The following FRY variants were observed in gnomAD, a reference collection of about 807,000 sequenced individuals.
FRY encodes the protein FRY microtubule binding protein, also known as protein furry homolog.
Under a neutral mutation model 348.4 loss-of-function variants are expected in FRY, and 128 were observed. The ratio of observed to expected loss-of-function variants is 0.37; its 90% CI spans 0.32 to 0.43. The LOEUF is 0.43. FRY is among the 20% of genes least tolerant of loss of function. The probability of loss-of-function intolerance (pLI) is 1.00; values close to 1 mark genes in which losing one functional copy is unlikely to be tolerated. For synonymous variants in FRY, 1,370 were observed against 1,374.7 expected (o/e 1.00, Z 0.08); for missense variants, 2,736 against 3,695.2 (o/e 0.74, Z 6.73).
At chr13:32,252,006 G>T in intron 50 of FRY, 54 bp downstream of exon 50, 1 of 1,215,474 alleles carries the variant, frequency 8.2e-7, no homozygotes, top group East Asian at 2.3e-5. Flanking sequence ...CTTTTTCATT[G>T]GTCTGTTTTT....
intron 35 of FRY, among the ~76,000 whole-genome samples, chr13:32,217,005 A>G (rs1240964140): frequency 2.0e-5 from 3 of 152,212 alleles, no homozygotes; most frequent in East Asian, 3.8e-4. Context: ...GCAGTGCCCT[A>G]AGGTTGTACA....
intron 28 of FRY, among the ~76,000 whole-genome samples, chr13:32,191,870 T>C (rs1883355884): frequency 6.6e-6 from 1 of 152,134 alleles, no homozygotes; most frequent in Non-Finnish European, 1.5e-5. Flanking sequence ...GGGGTTAAGA[T>C]TTAAATATGA....
At position 32,184,866 on chromosome 13, in the gene FRY, G is replaced by A. The variant is rs1463355116; in HGVS notation, c.3147-110G>A. 30 of 1,115,828 alleles carry A rather than the reference G, an allele frequency of 2.7e-5. No individual in the cohort carries two copies. The East Asian group carries it at 7.0e-4, about 26-fold the overall frequency. 69.1% of individuals were successfully genotyped at this position (1,115,828 alleles called of 1,614,324 possible). A position where few individuals can be genotyped will look rare whatever the true frequency, so the allele number is the denominator to read the frequency against. ...TTTTCTTTACACTGCATATAGGTTA[G>A]GAACAACTTTAGTGTGTGAGTTGTG... On this transcript the variant is annotated intron_variant, in intron 25 of 60. Transcript: ENST00000542859.
At chr13:32,124,107 G>A (rs544516046) in intron 4 of FRY, among the ~76,000 whole-genome samples, 179 bp from the exon 5 acceptor site, 1 of 152,218 alleles carries the variant, frequency 6.6e-6, no homozygotes, top group Non-Finnish European at 1.5e-5. Flanking sequence ...CAAAGTGCTG[G>A]GATTACAGGC....
At position 32,249,711 on chromosome 13, in the gene FRY, C is replaced by A. The variant is rs758184606; in HGVS notation, c.7170+24C>A. 6.8e-6 allele frequency: 11 copies of A among 1,608,188 alleles called. No homozygotes were observed. In the Admixed American group the frequency reaches 1.5e-4, roughly 22 times the overall value. On this transcript the variant is annotated intron_variant, in intron 49 of 60. Coordinates refer to ENST00000542859, the MANE Select transcript of FRY (RefSeq NM_023037.3). ...AGGTATGCAATCCTAGACCCACAGT[C>A]CTGGGAGGGAGTTTAGGGACCTGTT... is the stretch of plus-strand genomic sequence containing the variant.
intron 28 of FRY, among the ~76,000 whole-genome samples, chr13:32,190,187 T>C (rs1883258136): frequency 6.6e-6 from 1 of 151,574 alleles, no homozygotes; most frequent in South Asian, 2.1e-4. Flanking sequence ...AAACACCCTA[T>C]GAGCACCATA....
intron 1 of FRY, among the ~76,000 whole-genome samples, chr13:32,069,317 A>G (rs1874471451): frequency 6.6e-6 from 1 of 152,092 alleles, no homozygotes; most frequent in Non-Finnish European, 1.5e-5. Context: ...AGAGGGAGAG[A>G]CCTTCATGGC....
At chr13:32,067,897 C>G (rs1310521771) in intron 1 of FRY, among the ~76,000 whole-genome samples, 2 of 152,122 alleles carry the variant, frequency 1.3e-5, no homozygotes, top group Non-Finnish European at 2.9e-5. Flanking sequence ...AGATTAGAAA[C>G]AATTTTATTA....
chr13:32,258,290 T>A (rs971853675), intron 51 of FRY, among the ~76,000 whole-genome samples: 1 of 152,220 alleles, frequency 6.6e-6, no homozygotes, highest in African/African-American at 2.4e-5. Flanking sequence ...GTTGCACAAC[T>A]GGATGGGTTT....
chr13:32,218,968 G>T (rs957008665), intron 36 of FRY, 137 bp downstream of exon 36: 3 of 661,768 alleles, frequency 4.5e-6, no homozygotes, highest in Admixed American at 4.6e-5. Context: ...CACCTATGCA[G>T]ATGAGCATAG....
chr13:32,037,059 A>ACAC (rs1872550173), intron 1 of FRY, among the ~76,000 whole-genome samples: 348 of 33,496 alleles, frequency 0.01, 3 homozygotes, highest in African/African-American at 0.026. Context: ...CACACACACA[A>ACAC]ACACACACAC....
At chr13:32,213,071 A>G (rs1453687797) in intron 35 of FRY, among the ~76,000 whole-genome samples, 1 of 152,176 alleles carries the variant, frequency 6.6e-6, no homozygotes, top group East Asian at 1.9e-4. Context: ...TCAGCTGAGC[A>G]TTTTATAGTG....
rs768019080 is a variant in FRY, at chr13:32,124,326, C to A, written c.505C>A (p.Leu169Ile). The A allele has an allele frequency of 6.2e-7, 1 of 1,601,990 alleles. No individual in the cohort carries two copies. Among genetic ancestry groups the A allele is most frequent in the Non-Finnish European group, 8.6e-7 (1 of 1,169,388 alleles). The change falls in exon 5 of 61, where the codon CTC becomes ATC. Residue 169 changes from leucine (L) to isoleucine (I), a missense_variant. This residue lies in a region of FRY where 309 missense variants were observed against 418.1 expected (regional missense o/e 0.74). Coordinates refer to ENST00000542859, the MANE Select transcript of FRY (RefSeq NM_023037.3). ...AGATTATTTAATGGAAAGACGGGAC[C>A]TCGCCATTGATTTTATTTTTTCTTT... ...QRDYLMERRD[L>I]AIDFIFSLVL...
At chr13:32,232,337 A>T (rs564905708) in intron 41 of FRY, among the ~76,000 whole-genome samples, 1 of 152,308 alleles carries the variant, frequency 6.6e-6, no homozygotes, top group South Asian at 2.1e-4. Context: ...CACCTTGACC[A>T]ATTTTTACTG....
At chr13:32,063,932 T>C (rs1413949607) in intron 1 of FRY, among the ~76,000 whole-genome samples, 1 of 152,240 alleles carries the variant, frequency 6.6e-6, no homozygotes. Flanking sequence ...CATGACCTTG[T>C]ACATATTAAC....
At chr13:32,075,321 G>A (rs1416604281) in intron 1 of FRY, among the ~76,000 whole-genome samples, 1 of 152,110 alleles carries the variant, frequency 6.6e-6, no homozygotes, top group African/African-American at 2.4e-5. Flanking sequence ...AGCAGTCAAA[G>A]CCCTCAAGCC....
Position 32,276,472 on chromosome 13 carries a change from A to G in FRY, c.8295A>G (p.Ser2765=), listed in dbSNP as rs759814071. The G allele has an allele frequency of 5.1e-6, 8 of 1,570,874 alleles. No individual in the cohort carries two copies. Among genetic ancestry groups the G allele is most frequent in the East Asian group, 2.2e-5 (1 of 44,674 alleles). ...TLFVDAETLL[S]CGLLDKLKFS... The stretch of plus-strand genomic sequence containing the variant: ...TATTTTCCTGTCTTTAGCTCCTTTC[A>G]TGTGGACTTCTGGACAAGCTCAAGT... Residue 2765 remains serine (S), a synonymous_variant, in exon 57 of 61, where the codon TCA becomes TCG. Transcript: ENST00000542859.
chr13:32,290,600 T>A (rs1889290471), intron 59 of FRY, among the ~76,000 whole-genome samples: 1 of 152,112 alleles, frequency 6.6e-6, no homozygotes. Context: ...GGCGAGATCA[T>A]AAGACATGCC....
In FRY at chr13:32,149,735, GT is replaced by G. The variant is rs762183784; in HGVS notation, c.1393-8del. On this transcript the variant is annotated splice_polypyrimidine_tract_variant and intron_variant, in intron 13 of 60. Coordinates refer to ENST00000542859, the MANE Select transcript of FRY (RefSeq NM_023037.3). Reference sequence around the variant, plus strand: ...TTTAACACTTTCATTTTGTGTTCTTGTTTTTACTACAGGAACGTTTAGATTT... The same window carrying G: ...TTTAACACTTTCATTTTGTGTTCTTGTTTTACTACAGGAACGTTTAGATTT... 4.6e-6 allele frequency: 7 copies of G among 1,511,366 alleles called. No homozygotes were observed. Among genetic ancestry groups the G allele is most frequent in the Non-Finnish European group, 6.4e-6 (7 of 1,086,978 alleles). The allele number at this position is 1,511,366 out of a possible 1,614,324, so 93.6% of individuals were successfully genotyped here.
Sources: allele counts gnomAD v4.1 joint callset (sites outside exome capture counted in the v4.1 genomes callset), GRCh38; gene constraint gnomAD v4.1.1; regional missense constraint gnomAD v4.1.1; transcripts MANE v1.5; gene names NCBI Gene and HGNC (gene_info 2026-07-23, HGNC 2026-07-21).